Variants in UBE2L3 observed in about 807,000 individuals in gnomAD.
UBE2L3 encodes ubiquitin-conjugating enzyme E2 L3.
Under a neutral mutation model 17.8 loss-of-function variants are expected in UBE2L3, and 1 was observed. The observed-to-expected ratio is 0.06, with a 90% CI of 0.02 to 0.27. The LOEUF is 0.27. Ranked by LOEUF, UBE2L3 falls within the 10% of genes least tolerant of loss-of-function variation. The probability of loss-of-function intolerance (pLI) is 1.00; values close to 1 mark genes in which losing one functional copy is unlikely to be tolerated. For synonymous variants in UBE2L3, 44 were observed against 68.5 expected, an observed-to-expected ratio of 0.64 and a Z score of 1.76; for missense variants, 40 against 192.6, an observed-to-expected ratio of 0.21 and a Z score of 4.69.
chr22:21,582,359 GTT>G (rs767688991), intron 1 of UBE2L3, among the ~76,000 whole-genome samples: 2 of 138,518 alleles, frequency 1.4e-5, no homozygotes. Context: ...TTTTGTTGTT[GTT>G]TTTTTTTTTT....
intron 1 of UBE2L3, among the ~76,000 whole-genome samples, chr22:21,590,343 G>A (rs1008118839): frequency 1.3e-5 from 2 of 152,038 alleles, no homozygotes; most frequent in Admixed American, 6.6e-5. Context: ...GATTACAAGC[G>A]CCCACCACCA....
In UBE2L3 at chr22:21,621,546, C is replaced by T. The variant is rs200807625; in HGVS notation, c.342C>T (p.Asp114=). The change falls in exon 4 of 4, where the codon GAC becomes GAT. Residue 114 remains aspartate (D), a synonymous_variant. Transcript: ENST00000342192. The stretch of plus-strand genomic sequence containing the variant: ...AGTCCCTCATAGCACTGGTGAATGA[C>T]CCCCAGCCTGAGCACCCGCTTCGGG... The part of the protein sequence containing the change: ...VIQSLIALVN[D]PQPEHPLRAD... The T allele has an allele frequency of 4.3e-6, 7 of 1,611,734 alleles. No individual in the cohort carries two copies. In the African/African-American group the frequency reaches 6.7e-5, roughly 15 times the overall value.
chr22:21,567,564 C>T, upstream of UBE2L3: 5 of 1,367,784 alleles, frequency 3.7e-6, no homozygotes, highest in East Asian at 2.5e-5. Context: ...GAGGCCCAGT[C>T]TGTGCGGTTC....
intron 3 of UBE2L3, among the ~76,000 whole-genome samples, chr22:21,612,605 G>A (rs184295528): frequency 3.5e-5 from 5 of 141,180 alleles, no homozygotes; most frequent in Non-Finnish European, 7.6e-5. Flanking sequence ...GATTACAGGC[G>A]TAAGCCACCG....
chr22:21,563,238 T>C (rs1601385920), upstream of UBE2L3, among the ~76,000 whole-genome samples: 2 of 88,268 alleles, frequency 2.3e-5, no homozygotes, highest in African/African-American at 5.7e-5. Context: ...CAAGACTCCG[T>C]CTCAAAAAAA....
At chr22:21,572,694 C>T (rs938305907) in intron 1 of UBE2L3, among the ~76,000 whole-genome samples, 2 of 152,134 alleles carry the variant, frequency 1.3e-5, no homozygotes, top group Non-Finnish European at 2.9e-5. Flanking sequence ...CATTAGAGAG[C>T]CACAGAGACG....
chr22:21,578,317 G>A (rs985617391), intron 1 of UBE2L3, among the ~76,000 whole-genome samples: 1 of 150,786 alleles, frequency 6.6e-6, no homozygotes, highest in Non-Finnish European at 1.5e-5. Flanking sequence ...CCGGGATTGC[G>A]CCACTGCACT....
At chr22:21,574,241 C>T (rs1927139700) in intron 1 of UBE2L3, among the ~76,000 whole-genome samples, 1 of 152,200 alleles carries the variant, frequency 6.6e-6, no homozygotes, top group African/African-American at 2.4e-5. Flanking sequence ...AAGACTACAG[C>T]ATAGCAGTTA....
intron 2 of UBE2L3, among the ~76,000 whole-genome samples, chr22:21,608,651 C>G (rs939726697): frequency 4.6e-5 from 7 of 152,012 alleles, no homozygotes; most frequent in African/African-American, 7.3e-5. Context: ...TCTTGAACTC[C>G]TGACCTCAAG....
At chr22:21,619,746 C>T (rs1353051568) in intron 3 of UBE2L3, among the ~76,000 whole-genome samples, 3 of 152,214 alleles carry the variant, frequency 2.0e-5, no homozygotes, top group East Asian at 3.9e-4. Flanking sequence ...AGCTAGAGTG[C>T]AGTGGCACGA....
At chr22:21,612,988 G>A (rs1929584059) in intron 3 of UBE2L3, among the ~76,000 whole-genome samples, 1 of 152,258 alleles carries the variant, frequency 6.6e-6, no homozygotes, top group Non-Finnish European at 1.5e-5. Context: ...ACCTATAGCT[G>A]CATTTGATCA....
chr22:21,566,614 A>G (rs131665), upstream of UBE2L3, among the ~76,000 whole-genome samples: 32,994 of 150,804 alleles, frequency 0.22, 4,353 homozygotes, highest in East Asian at 0.51. Flanking sequence ...CTGACCATGG[A>G]GTCAATACTC....
chr22:21,593,076 A>G, intron 2 of UBE2L3, 120 bp downstream of exon 2: 2 of 816,676 alleles, frequency 2.4e-6, no homozygotes, highest in Non-Finnish European at 4.1e-6. Flanking sequence ...AGATGCACAG[A>G]AGTGGCTGTC....
At chr22:21,555,884 A>G (rs1260922788) in intron 1 of UBE2L3, among the ~76,000 whole-genome samples, 2 of 152,280 alleles carry the variant, frequency 1.3e-5, no homozygotes, top group Non-Finnish European at 2.9e-5. Context: ...GTGGGCTGAG[A>G]TCGTGCCATT....
chr22:21,607,802 C>T (rs1290383915), intron 2 of UBE2L3, among the ~76,000 whole-genome samples: 1 of 152,134 alleles, frequency 6.6e-6, no homozygotes, highest in East Asian at 1.9e-4. Context: ...GCTGGCCCTG[C>T]CTGGTGATCA....
In UBE2L3 at chr22:21,621,838, C is replaced by G. The variant is rs888679440; in HGVS notation, c.*169C>G. ...TCTTAATCAAAAGTGGTCTAGGTAACCTGTAAAGAAAGGATTAAAAATTTA... is the reference window on the plus strand; with the variant it reads ...TCTTAATCAAAAGTGGTCTAGGTAAGCTGTAAAGAAAGGATTAAAAATTTA... On this transcript the variant is annotated 3_prime_UTR_variant, in exon 4 of 4. Transcript: ENST00000342192. The G allele has an allele frequency of 1.0e-5, 6 of 574,590 alleles. No individual in the cohort carries two copies. The highest frequency in any genetic ancestry group is 1.8e-5 in the Non-Finnish European group (6 of 328,976). 35.6% of individuals were successfully genotyped at this position (574,590 alleles called of 1,614,324 possible).
chr22:21,597,964 ATTT>A (rs35036050), intron 2 of UBE2L3, among the ~76,000 whole-genome samples: 34 of 115,762 alleles, frequency 2.9e-4, no homozygotes, highest in South Asian at 2.1e-3. Flanking sequence ...TAATTTTTGT[ATTT>A]TTTTTTTTTT....
At chr22:21,606,548 A>T (rs901857981) in intron 2 of UBE2L3, among the ~76,000 whole-genome samples, 3 of 152,102 alleles carry the variant, frequency 2.0e-5, no homozygotes, top group Non-Finnish European at 4.4e-5. Context: ...CCACCATTTA[A>T]TTCTCCTCTT....
rs1365446811 is a variant in UBE2L3 at position 21,623,896 on chromosome 22, GA to G, written c.*2229del. 1 of 152,340 alleles carries G rather than the reference GA, an allele frequency of 6.6e-6. No homozygotes were observed. The highest frequency in any genetic ancestry group is 1.5e-5 in the Non-Finnish European group (1 of 68,124). 9.4% of individuals were successfully genotyped at this position (152,340 alleles called of 1,614,324 possible). On this transcript the variant is annotated 3_prime_UTR_variant, in exon 4 of 4. Transcript: ENST00000342192. ...CCACTGCTGCCCCAAGCTCACTCAGGAATTCACACCCGCCTGGTTTCTTGAA... is the reference window on the plus strand; with the variant it reads ...CCACTGCTGCCCCAAGCTCACTCAGGATTCACACCCGCCTGGTTTCTTGAA...
Sources: gnomAD v4.1 joint callset for allele counts (sites outside exome capture counted in the v4.1 genomes callset) on GRCh38, gnomAD v4.1.1 for gene constraint, MANE v1.5 for transcripts, NCBI Gene and HGNC (gene_info 2026-07-23, HGNC 2026-07-21) for gene names.